The following RBFOX1 variants were observed in gnomAD, a reference collection of about 807,000 sequenced individuals.
The protein encoded by RBFOX1 is RNA binding protein fox-1 homolog 1.
In RBFOX1, 8 loss-of-function variants were observed where a neutral mutation model predicts 57.7. That is an observed-to-expected ratio of 0.14 (90% CI 0.08 to 0.25). The LOEUF is 0.25. RBFOX1 is among the 10% of genes least tolerant of loss of function. The pLI, the probability that RBFOX1 is intolerant of heterozygous loss-of-function variation, is 1.00. For synonymous variants in RBFOX1, 326 were observed against 222.4 expected (o/e 1.47, Z -4.15); for missense variants, 611 against 548.5 (o/e 1.11, Z -1.14).
chr16:6,734,586 C>G (rs1054561518), intron 3 of RBFOX1, among the ~76,000 whole-genome samples: 3 of 150,882 alleles, frequency 2.0e-5, no homozygotes, highest in Admixed American at 6.6e-5. Flanking sequence ...GTGCTCTTAA[C>G]TACTCTCCTA....
intron 1 of RBFOX1, among the ~76,000 whole-genome samples, chr16:6,060,680 C>G (rs1446075469): frequency 2.0e-5 from 3 of 152,116 alleles, no homozygotes; most frequent in Admixed American, 2.0e-4. Context: ...CTCGTACTAC[C>G]TTAAGACAAC....
intron 1 of RBFOX1, among the ~76,000 whole-genome samples, chr16:5,310,529 G>A (rs1361337041): frequency 6.6e-6 from 1 of 152,178 alleles, no homozygotes; most frequent in African/African-American, 2.4e-5. Context: ...ATCTGTATAT[G>A]GAGGAGGGGG....
chr16:5,945,860 C>A (rs2059390885), intron 4 of RBFOX1, among the ~76,000 whole-genome samples: 1 of 152,136 alleles, frequency 6.6e-6, no homozygotes, highest in Non-Finnish European at 1.5e-5. Context: ...CTACTCCATC[C>A]ATCAGTATTT....
Position 6,591,580 on chromosome 16 carries a change from G to A in RBFOX1, c.-63-63023G>A, listed in dbSNP as rs530988706. ...TGGGAGAGGAGACCATTTATGCACT[G>A]GGAGTGACCCAGTCATTTTTGTCAG... On this transcript the variant is annotated intron_variant, in intron 2 of 15. Transcript: ENST00000550418. Among the ~76,000 whole-genome samples the A allele has an allele frequency of 7.2e-5, 11 of 152,296 alleles. No homozygotes were observed. In the South Asian group the frequency reaches 2.3e-3, roughly 32 times the overall value.
chr16:5,787,723 C>A (rs2054552641), intron 3 of RBFOX1, among the ~76,000 whole-genome samples: 2 of 152,136 alleles, frequency 1.3e-5, no homozygotes, highest in Admixed American at 6.5e-5. Context: ...AGGGTGACAC[C>A]ACCAGCCAAG....
At chr16:6,995,824 C>A (rs749288328) in intron 3 of RBFOX1, among the ~76,000 whole-genome samples, 1 of 152,136 alleles carries the variant, frequency 6.6e-6, no homozygotes, top group Admixed American at 6.5e-5. Flanking sequence ...GAGGTACTTA[C>A]ACTTGAGATT....
intron 2 of RBFOX1, among the ~76,000 whole-genome samples, chr16:6,416,968 T>C (rs1015302341): frequency 1.2e-4 from 19 of 152,178 alleles, no homozygotes; most frequent in Non-Finnish European, 2.6e-4. Context: ...TGATCACTTA[T>C]GGGATCATTC....
chr16:7,217,278 T>C (rs1284100236), intron 4 of RBFOX1, among the ~76,000 whole-genome samples: 1 of 130,620 alleles, frequency 7.7e-6, no homozygotes, highest in Non-Finnish European at 1.5e-5. Flanking sequence ...ATTATCTTTT[T>C]TTTTCTTATT....
At chr16:7,527,912 A>G (rs1178900968) in intron 5 of RBFOX1, among the ~76,000 whole-genome samples, 1 of 152,244 alleles carries the variant, frequency 6.6e-6, no homozygotes, top group Non-Finnish European at 1.5e-5. Context: ...TCCCGTTTCA[A>G]GTGCCAAACT....
At chr16:6,478,486 G>C (rs903672509) in intron 2 of RBFOX1, among the ~76,000 whole-genome samples, 4 of 138,434 alleles carry the variant, frequency 2.9e-5, no homozygotes, top group Non-Finnish European at 6.1e-5. Context: ...ATGTTGGCGA[G>C]GCTGTTCTGG....
chr16:6,406,762 A>G (rs1003677), intron 2 of RBFOX1, among the ~76,000 whole-genome samples: 116,836 of 151,960 alleles, frequency 0.77, 45,802 homozygotes, highest in African/African-American at 0.93. Flanking sequence ...AAGGGTCTTC[A>G]TAAGGTTATG....
intron 2 of RBFOX1, among the ~76,000 whole-genome samples, chr16:6,494,638 A>G (rs147730686): frequency 1.4e-3 from 213 of 152,290 alleles, no homozygotes; most frequent in African/African-American, 4.9e-3. Flanking sequence ...TGTCTTGAAC[A>G]TTTGTGGACA....
chr16:5,391,578 C>A (rs986333236), intron 1 of RBFOX1, among the ~76,000 whole-genome samples: 1 of 152,062 alleles, frequency 6.6e-6, no homozygotes, highest in African/African-American at 2.4e-5. Context: ...GTTCTGGAAG[C>A]CAAGGCTCTG....
intron 1 of RBFOX1, chr16:5,260,666 T>G (rs1444377828): frequency 6.6e-6 from 1 of 152,266 alleles, no homozygotes. Flanking sequence ...ATAAAGTCAT[T>G]GCAAAATCTT....
At chr16:7,551,467 C>G (rs2086509095) in intron 5 of RBFOX1, among the ~76,000 whole-genome samples, 1 of 152,124 alleles carries the variant, frequency 6.6e-6, no homozygotes, top group Non-Finnish European at 1.5e-5. Context: ...TGGGTGAAAG[C>G]CATGAGACAC....
At chr16:6,103,404 A>G (rs145320341) in intron 1 of RBFOX1, among the ~76,000 whole-genome samples, 129 of 152,246 alleles carry the variant, frequency 8.5e-4, no homozygotes, top group African/African-American at 2.9e-3. Flanking sequence ...CTGATGTATC[A>G]CGGTCACACA....
At chr16:7,506,594 A>G (rs5012443) in intron 4 of RBFOX1, among the ~76,000 whole-genome samples, 1 of 151,342 alleles carries the variant, frequency 6.6e-6, no homozygotes, top group Non-Finnish European at 1.5e-5. Flanking sequence ...CATCATCATC[A>G]TCATCATCAT....
intron 4 of RBFOX1, among the ~76,000 whole-genome samples, chr16:7,150,917 G>A (rs1407420938): frequency 1.3e-5 from 2 of 152,144 alleles, no homozygotes; most frequent in Admixed American, 6.5e-5. Context: ...CTGAGTAGGT[G>A]TTCCCATTAG....
chr16:7,194,024 T>G (rs1220626789), intron 4 of RBFOX1, among the ~76,000 whole-genome samples: 1 of 152,174 alleles, frequency 6.6e-6, no homozygotes, highest in African/African-American at 2.4e-5. Context: ...TATTATGGAT[T>G]TAGACGGGTA....
Sources: gnomAD v4.1 joint callset for allele counts (sites outside exome capture counted in the v4.1 genomes callset) on GRCh38, gnomAD v4.1.1 for gene constraint, MANE v1.5 for transcripts, NCBI Gene and HGNC (gene_info 2026-07-23, HGNC 2026-07-21) for gene names.